Variants in RAB3GAP1 observed in about 807,000 individuals in gnomAD.
RAB3GAP1 encodes the protein RAB3 GTPase activating protein catalytic subunit 1, also known as rab3 GTPase-activating protein catalytic subunit.
Under a neutral mutation model 130.7 loss-of-function variants are expected in RAB3GAP1, and 86 were observed. The observed-to-expected ratio is 0.66, with a 90% CI of 0.55 to 0.79. RAB3GAP1 has a LOEUF of 0.79. RAB3GAP1 is among the 30% of genes least tolerant of loss of function. RAB3GAP1 has a pLI of 0.00. For missense variants in RAB3GAP1, 1,029 were observed against 1,169.4 expected, an observed-to-expected ratio of 0.88 and a Z score of 1.75; for synonymous variants, 367 against 401.7, an observed-to-expected ratio of 0.91 and a Z score of 1.03.
intron 8 of RAB3GAP1, among the ~76,000 whole-genome samples, chr2:135,122,931 G>C (rs1212223925): frequency 1.3e-5 from 2 of 152,082 alleles, no homozygotes; most frequent in African/African-American, 4.8e-5. Flanking sequence ...GTTTCACCAT[G>C]TTGGCCAGGC....
At position 135,125,658 on chromosome 2, in the gene RAB3GAP1, G is replaced by A. The variant is rs1691327493; in HGVS notation, c.831-523G>A. On this transcript the variant is annotated intron_variant, in intron 9 of 23. Coordinates refer to ENST00000264158, the MANE Select transcript of RAB3GAP1 (RefSeq NM_012233.3). ...AAGACAGTTACTAAGTGACTAACAG[G>A]GCAGGTAGCATAGACAGTGTAGGTA... 2.0e-5 allele frequency among the ~76,000 whole-genome samples: 3 copies of A among 152,128 alleles called. No homozygotes were observed. In the South Asian group the frequency reaches 6.2e-4, roughly 32 times the overall value.
intron 2 of RAB3GAP1, among the ~76,000 whole-genome samples, chr2:135,055,596 T>C (rs963965530): frequency 6.6e-6 from 1 of 151,190 alleles, no homozygotes; most frequent in African/African-American, 2.4e-5. Flanking sequence ...GAGGATTGCT[T>C]GAGTCCTGGA....
rs182427352 is a variant in RAB3GAP1 at position 135,123,660 on chromosome 2, A to G, written c.749-505A>G. ...CTTCCAGTCTAGTATGCCATTCGTA[A>G]TGGAAAGGAGGTTCTTTTCTGATCT... On this transcript the variant is annotated intron_variant, in intron 8 of 23. Transcript: ENST00000264158. Among the ~76,000 whole-genome samples, 163 of 152,226 alleles carry G rather than the reference A, an allele frequency of 1.1e-3. 1 individual carries two copies. The highest frequency in any genetic ancestry group is 1.7e-3 in the Non-Finnish European group (113 of 67,996).
chr2:135,117,582 GCTT>G (rs36174748), intron 7 of RAB3GAP1, among the ~76,000 whole-genome samples: 11 of 60,628 alleles, frequency 1.8e-4, no homozygotes, highest in South Asian at 8.4e-4. Flanking sequence ...TTCTTCTTCT[GCTT>G]CTTCTTCTGC....
chr2:135,071,786 C>G (rs542741759), intron 3 of RAB3GAP1, among the ~76,000 whole-genome samples: 39 of 152,346 alleles, frequency 2.6e-4, no homozygotes, highest in Non-Finnish European at 4.3e-4. Context: ...GAGGTCTCAT[C>G]TCCCAACCAC....
At chr2:135,071,940 T>C (rs1368786394) in intron 3 of RAB3GAP1, among the ~76,000 whole-genome samples, 1 of 152,160 alleles carries the variant, frequency 6.6e-6, no homozygotes, top group Non-Finnish European at 1.5e-5. Flanking sequence ...TTGAAATGAG[T>C]CTCGCTTTGT....
chr2:135,168,342 G>A (rs1201828347), intron 23 of RAB3GAP1, among the ~76,000 whole-genome samples: 1 of 152,230 alleles, frequency 6.6e-6, no homozygotes, highest in East Asian at 1.9e-4. Context: ...TCTGTCTCCA[G>A]CCCGGCTGCT....
intron 17 of RAB3GAP1, among the ~76,000 whole-genome samples, chr2:135,139,728 T>G (rs1341270619): frequency 1.3e-5 from 2 of 152,272 alleles, no homozygotes; most frequent in Non-Finnish European, 2.9e-5. Context: ...TCTCTGTCTT[T>G]CCCATTCAAT....
intron 3 of RAB3GAP1, chr2:135,089,747 ATG>A: frequency 3.8e-6 from 1 of 266,000 alleles, no homozygotes; most frequent in Non-Finnish European, 7.8e-6. Context: ...ATGGAATACT[ATG>A]CAGCCATAAA....
intron 11 of RAB3GAP1, among the ~76,000 whole-genome samples, chr2:135,126,941 T>A (rs1449540730): frequency 6.6e-6 from 1 of 151,860 alleles, no homozygotes; most frequent in African/African-American, 2.4e-5. Flanking sequence ...CAGTGGCATG[T>A]CTCGGCTCAC....
At chr2:135,151,230 T>G (rs1289316611) in intron 18 of RAB3GAP1, among the ~76,000 whole-genome samples, 1 of 152,176 alleles carries the variant, frequency 6.6e-6, no homozygotes, top group Non-Finnish European at 1.5e-5. Flanking sequence ...CCCAAGTGGG[T>G]AGCCCCATGG....
intron 2 of RAB3GAP1, among the ~76,000 whole-genome samples, chr2:135,054,300 C>G (rs1327835758): frequency 6.6e-6 from 1 of 152,136 alleles, no homozygotes; most frequent in African/African-American, 2.4e-5. Flanking sequence ...TTAGAAAGAA[C>G]CACTGCTTAA....
At chr2:135,119,490 T>A (rs910350731) in intron 7 of RAB3GAP1, among the ~76,000 whole-genome samples, 1 of 152,198 alleles carries the variant, frequency 6.6e-6, no homozygotes, top group African/African-American at 2.4e-5. Flanking sequence ...AGTGGCCTTG[T>A]TATGGCTTCT....
intron 3 of RAB3GAP1, among the ~76,000 whole-genome samples, chr2:135,076,624 C>T (rs1008048801): frequency 6.6e-6 from 1 of 152,106 alleles, no homozygotes; most frequent in Non-Finnish European, 1.5e-5. Flanking sequence ...CTTTGAATGT[C>T]TTATGCTTCA....
In RAB3GAP1 at chr2:135,169,888, A is replaced by C. The variant is rs568271625; in HGVS notation, c.*1107A>C. On this transcript the variant is annotated 3_prime_UTR_variant, in exon 24 of 24. Coordinates refer to ENST00000264158, the MANE Select transcript of RAB3GAP1 (RefSeq NM_012233.3). ...AGGCCTAAAATTCCCACTTAAATCC[A>C]AAGTAAAAATGGTTATACTGAAGCA... is the stretch of plus-strand genomic sequence containing the variant. The C allele has an allele frequency of 6.7e-4, 264 of 392,870 alleles. No individual in the cohort carries two copies. The highest frequency in any genetic ancestry group is 5.1e-3 in the African/African-American group (244 of 47,866). 24.3% of individuals were successfully genotyped at this position (392,870 alleles called of 1,614,324 possible). A position where few individuals can be genotyped will look rare whatever the true frequency, so the allele number is the denominator to read the frequency against.
intron 17 of RAB3GAP1, among the ~76,000 whole-genome samples, chr2:135,141,499 T>C (rs11897204): frequency 0.31 from 47,573 of 151,910 alleles, 11,345 homozygotes; most frequent in African/African-American, 0.65. Flanking sequence ...GCTGGGATTA[T>C]AGGTGTGAGC....
chr2:135,104,870 C>T (rs905427656), intron 5 of RAB3GAP1, among the ~76,000 whole-genome samples: 4 of 152,088 alleles, frequency 2.6e-5, no homozygotes, highest in African/African-American at 9.7e-5. Flanking sequence ...GCCTGGGCAA[C>T]AGAGCGAAAC....
chr2:135,141,849 A>T (rs145395192), intron 17 of RAB3GAP1, among the ~76,000 whole-genome samples: 1 of 152,090 alleles, frequency 6.6e-6, no homozygotes. Flanking sequence ...TTTGATGTAA[A>T]TCAAGCAACT....
At chr2:135,065,689 G>A (rs1689297882) in intron 3 of RAB3GAP1, among the ~76,000 whole-genome samples, 1 of 151,588 alleles carries the variant, frequency 6.6e-6, no homozygotes, top group Non-Finnish European at 1.5e-5. Context: ...TATCTCATAT[G>A]TATGCGTGAA....
Sources: allele counts gnomAD v4.1 joint callset (sites outside exome capture counted in the v4.1 genomes callset), GRCh38; gene constraint gnomAD v4.1.1; transcripts MANE v1.5; gene names NCBI Gene and HGNC (gene_info 2026-07-23, HGNC 2026-07-21).